NTM: variants seen among roughly 807,000 people sequenced by gnomAD.
The protein encoded by NTM is IgLON family member 2.
NTM carries 13 observed loss-of-function variants against 42.1 expected under a neutral mutation model. The observed-to-expected ratio is 0.31, with a 90% CI of 0.20 to 0.49. The LOEUF is 0.49. Among genes scored for constraint, NTM ranks in the 20% least tolerant of loss-of-function variants. NTM has a pLI of 0.99. For synonymous variants in NTM, 187 were observed against 179.2 expected, an observed-to-expected ratio of 1.04 and a Z score of -0.35; for missense variants, 373 against 452.8, an observed-to-expected ratio of 0.82 and a Z score of 1.60.
chr11:131,748,496 G>A (rs979011898), intron 1 of NTM, among the ~76,000 whole-genome samples: 1 of 152,148 alleles, frequency 6.6e-6, no homozygotes, highest in African/African-American at 2.4e-5. Context: ...TTGGGACCAG[G>A]CTAGATCTAT....
rs531591148 is a variant in NTM at position 132,103,145 on chromosome 11, C to T, written c.168-43137C>T. On this transcript the variant is annotated intron_variant, in intron 2 of 8. Coordinates refer to ENST00000683400, the MANE Select transcript of NTM (RefSeq NM_001352005.2). ...ATGTTTCTGGAGGTGACCGCCTGGG[C>T]GCACACAGGCGCAGGCAGCACCTCC... Among the ~76,000 whole-genome samples the T allele has an allele frequency of 2.7e-4, 41 of 152,328 alleles. 1 individual carries two copies. The highest frequency in any genetic ancestry group is 2.3e-3 in the South Asian group (11 of 4,824).
intron 1 of NTM, among the ~76,000 whole-genome samples, chr11:131,888,114 A>C (rs1334817340): frequency 6.6e-6 from 1 of 152,154 alleles, no homozygotes; most frequent in Non-Finnish European, 1.5e-5. Context: ...CAGCCTGATT[A>C]ATATGGTGAA....
chr11:132,314,500 G>C (rs730253), intron 6 of NTM, 52 bp from the exon 7 acceptor site: 789,370 of 1,555,462 alleles, frequency 0.51, 209,713 homozygotes, highest in Non-Finnish European at 0.55. Context: ...TTCTTCCTAT[G>C]AGGACACATA....
intron 3 of NTM, among the ~76,000 whole-genome samples, chr11:132,162,191 G>A (rs1344675976): frequency 1.3e-5 from 2 of 151,600 alleles, no homozygotes; most frequent in Non-Finnish European, 2.9e-5. Flanking sequence ...TGGGGGGAGT[G>A]TGTATGTGGG....
At chr11:131,408,992 G>A (rs1946098792) in intron 1 of NTM, among the ~76,000 whole-genome samples, 1 of 152,214 alleles carries the variant, frequency 6.6e-6, no homozygotes, top group Non-Finnish European at 1.5e-5. Context: ...AAGTATCAAT[G>A]TTGTGCCAAG....
intron 6 of NTM, among the ~76,000 whole-genome samples, chr11:132,313,493 C>T (rs2136137361): frequency 6.6e-6 from 1 of 152,284 alleles, no homozygotes; most frequent in African/African-American, 2.4e-5. Flanking sequence ...GAGTATTCAT[C>T]TTTCCCATAG....
rs1431237584 is a variant in NTM at position 131,794,907 on chromosome 11, G to A, written c.83-116657G>A. On this transcript the variant is annotated intron_variant, in intron 1 of 8. Coordinates refer to ENST00000683400, the MANE Select transcript of NTM (RefSeq NM_001352005.2). ...ATGGCCACCCTTGTCACTGCAGGGA[G>A]TGTTGGGTAACCAAGGCTTTGGAGT... 6 of 985,172 alleles carry A rather than the reference G, an allele frequency of 6.1e-6. No homozygotes were observed. The African/African-American group carries it at 1.0e-4, about 17-fold the overall frequency. The allele number at this position is 985,172 out of a possible 1,614,324, so 61.0% of individuals were successfully genotyped here.
chr11:131,768,600 C>T (rs2085527972), intron 1 of NTM, among the ~76,000 whole-genome samples: 1 of 152,138 alleles, frequency 6.6e-6, no homozygotes, highest in African/African-American at 2.4e-5. Flanking sequence ...AATGGGTAAA[C>T]AAACAGCTAA....
chr11:131,463,925 G>A (rs550996467), intron 1 of NTM, among the ~76,000 whole-genome samples: 1 of 152,366 alleles, frequency 6.6e-6, no homozygotes, highest in East Asian at 1.9e-4. Context: ...TTTATCACCA[G>A]GTTTCTGATG....
chr11:131,898,477 G>A (rs533113464), intron 1 of NTM, among the ~76,000 whole-genome samples: 1 of 152,252 alleles, frequency 6.6e-6, no homozygotes, highest in South Asian at 2.1e-4. Flanking sequence ...CTGTTCTTTT[G>A]AAATTGTGTA....
chr11:132,075,173 C>T (rs2058198474), intron 2 of NTM, among the ~76,000 whole-genome samples: 1 of 151,960 alleles, frequency 6.6e-6, no homozygotes, highest in African/African-American at 2.4e-5. Flanking sequence ...TGATGGTCAC[C>T]AGGGGCTGGA....
intron 1 of NTM, among the ~76,000 whole-genome samples, chr11:131,387,060 A>G (rs957529157): frequency 1.8e-4 from 28 of 152,286 alleles, no homozygotes; most frequent in African/African-American, 6.7e-4. Flanking sequence ...CCAGTCTATC[A>G]TTAACTTTAG....
chr11:131,854,303 C>T (rs929373914), intron 1 of NTM, among the ~76,000 whole-genome samples: 1 of 152,180 alleles, frequency 6.6e-6, no homozygotes, highest in Non-Finnish European at 1.5e-5. Flanking sequence ...GAGCTACCAG[C>T]TGAATGAAAA....
chr11:132,275,996 T>G (rs2093712481), intron 4 of NTM, among the ~76,000 whole-genome samples: 2 of 152,000 alleles, frequency 1.3e-5, no homozygotes, highest in Admixed American at 1.3e-4. Flanking sequence ...CGCCTCCTGC[T>G]TCTCCTTGCT....
At chr11:131,498,086 C>T (rs1036317557) in intron 1 of NTM, among the ~76,000 whole-genome samples, 5 of 151,856 alleles carry the variant, frequency 3.3e-5, no homozygotes, top group Middle Eastern at 3.4e-3. Context: ...GCTCCATCTG[C>T]GAGATGTACC....
chr11:132,314,821 G>C, intron 7 of NTM, 118 bp downstream of exon 7: 1 of 1,396,348 alleles, frequency 7.2e-7, no homozygotes, highest in Non-Finnish European at 9.3e-7. Context: ...TGGACATGGA[G>C]AGGGAGGAAA....
intron 1 of NTM, among the ~76,000 whole-genome samples, chr11:131,406,570 C>T (rs187207487): frequency 1.8e-3 from 269 of 152,296 alleles, no homozygotes; most frequent in African/African-American, 6.2e-3. Context: ...TCCTCTTATA[C>T]ATCCTATATA....
At chr11:131,398,933 T>C (rs1944838326) in intron 1 of NTM, among the ~76,000 whole-genome samples, 1 of 152,250 alleles carries the variant, frequency 6.6e-6, no homozygotes, top group African/African-American at 2.4e-5. Flanking sequence ...TTATTTTTAG[T>C]ACCCAGTGGT....
At chr11:132,104,937 G>GTGTGTGTGTATATA (rs1169190929) in intron 2 of NTM, among the ~76,000 whole-genome samples, 3 of 61,824 alleles carry the variant, frequency 4.9e-5, no homozygotes, top group African/African-American at 1.2e-4. Context: ...ATATACATAT[G>GTGTGTGTGTATATA]TATATATATA....
Sources: allele counts gnomAD v4.1 joint callset (sites outside exome capture counted in the v4.1 genomes callset), GRCh38; gene constraint gnomAD v4.1.1; transcripts MANE v1.5; gene names NCBI Gene and HGNC (gene_info 2026-07-23, HGNC 2026-07-21).